Variants in SGMS2 observed in about 807,000 individuals in gnomAD.
The protein encoded by SGMS2 is sphingomyelin synthase 2.
SGMS2 carries 21 observed loss-of-function variants against 43.8 expected under a neutral mutation model. The ratio of observed to expected loss-of-function variants is 0.48; its 90% CI spans 0.34 to 0.69. The LOEUF (loss-of-function observed/expected upper bound fraction) is 0.69. Ranked by LOEUF, SGMS2 falls within the 30% of genes least tolerant of loss-of-function variation. The pLI is 0.01. For missense variants in SGMS2, 384 were observed against 443.2 expected, an observed-to-expected ratio of 0.87 and a Z score of 1.20; for synonymous variants, 167 against 160.6, an observed-to-expected ratio of 1.04 and a Z score of -0.30.
chr4:107,856,599 G>T lies in SGMS2; in HGVS notation c.-326-1873G>T, dbSNP rs531093382. On this transcript the variant is annotated intron_variant, in intron 1 of 6. Transcript: ENST00000690982. ...GTGAGTGGGGATGGTAGGTGGAGTC[G>T]AGAGAGGGTGATAACCGGAGAAGGG... Among the ~76,000 whole-genome samples, 58 of 152,290 alleles carry T rather than the reference G, an allele frequency of 3.8e-4. No homozygotes were observed. The South Asian group carries it at 0.012, about 32-fold the overall frequency.
At chr4:107,901,275 A>C (rs777838961) in intron 4 of SGMS2, among the ~76,000 whole-genome samples, 16 of 152,178 alleles carry the variant, frequency 1.1e-4, no homozygotes, top group Non-Finnish European at 2.1e-4. Flanking sequence ...TCAGTAAAAC[A>C]AACACAAATC....
intron 2 of SGMS2, among the ~76,000 whole-genome samples, chr4:107,875,789 A>G (rs1406093128): frequency 6.6e-6 from 1 of 152,164 alleles, no homozygotes; most frequent in Non-Finnish European, 1.5e-5. Context: ...GGCATAAGAG[A>G]ATGAAAAATA....
At position 107,911,519 on chromosome 4, in the gene SGMS2, G is replaced by A. The variant is rs1732122284; in HGVS notation, c.*966G>A. ...GGGCTCCTAATTGGAGCACAGAAAT[G>A]TATTTGGTCAAATTTCATTGAAGGT... On this transcript the variant is annotated 3_prime_UTR_variant, in exon 7 of 7. Transcript: ENST00000690982. 6.6e-6 allele frequency: 1 copy of A among 152,212 alleles called. No individual in the cohort carries two copies. 9.4% of individuals were successfully genotyped at this position (152,212 alleles called of 1,614,324 possible). A position where few individuals can be genotyped will look rare whatever the true frequency, so the allele number is the denominator to read the frequency against.
At chr4:107,879,992 C>T (rs1379045941) in intron 2 of SGMS2, among the ~76,000 whole-genome samples, 1 of 152,136 alleles carries the variant, frequency 6.6e-6, no homozygotes, top group Non-Finnish European at 1.5e-5. Context: ...GTTTGTTAGG[C>T]CGTATCTTTC....
At chr4:107,900,978 G>A (rs1384719929) in intron 4 of SGMS2, among the ~76,000 whole-genome samples, 1 of 152,208 alleles carries the variant, frequency 6.6e-6, no homozygotes, top group Non-Finnish European at 1.5e-5. Context: ...AGGGGCTATT[G>A]CAATGTGTTA....
At chr4:107,882,142 G>A (rs188793680) in intron 2 of SGMS2, among the ~76,000 whole-genome samples, 1 of 152,262 alleles carries the variant, frequency 6.6e-6, no homozygotes, top group African/African-American at 2.4e-5. Flanking sequence ...GGGATAGCTG[G>A]ATCATATGGT....
chr4:107,850,186 C>A (rs78850227), intron 1 of SGMS2, among the ~76,000 whole-genome samples: 2,315 of 152,242 alleles, frequency 0.015, 61 homozygotes, highest in African/African-American at 0.053. Flanking sequence ...TACCTTCCAC[C>A]ATGATTATAA....
At chr4:107,893,127 A>T (rs576505058) in intron 2 of SGMS2, 4 of 152,294 alleles carry the variant, frequency 2.6e-5, no homozygotes, top group African/African-American at 9.6e-5. Context: ...AGTCATTCTC[A>T]TAGCAGTCCC....
intron 2 of SGMS2, among the ~76,000 whole-genome samples, chr4:107,890,834 T>G (rs1017173468): frequency 6.6e-6 from 1 of 152,056 alleles, no homozygotes; most frequent in Non-Finnish European, 1.5e-5. Context: ...AAAAAACAAC[T>G]CTTTAAATCT....
At position 107,912,460 on chromosome 4, in the gene SGMS2, C is replaced by G. The variant is rs929307863; in HGVS notation, c.*1907C>G. 1 of 152,126 alleles carries G rather than the reference C, an allele frequency of 6.6e-6. No homozygotes were observed. Among genetic ancestry groups the G allele is most frequent in the African/African-American group, 2.4e-5 (1 of 41,436 alleles). 9.4% of individuals were successfully genotyped at this position (152,126 alleles called of 1,614,324 possible). A position where few individuals can be genotyped will look rare whatever the true frequency, so the allele number is the denominator to read the frequency against. ...TATATTCATTTATTAACTAGCAACA[C>G]TTGTGCAAGAACAAGGTATTCTGCT... On this transcript the variant is annotated 3_prime_UTR_variant, in exon 7 of 7. Coordinates refer to ENST00000690982, the MANE Select transcript of SGMS2 (RefSeq NM_001375905.1).
intron 2 of SGMS2, among the ~76,000 whole-genome samples, chr4:107,866,039 A>G (rs1001724136): frequency 6.6e-6 from 1 of 152,210 alleles, no homozygotes; most frequent in Non-Finnish European, 1.5e-5. Context: ...GACCAAGGAG[A>G]TTGCATTAAT....
chr4:107,845,829 C>G (rs79170234), intron 1 of SGMS2, among the ~76,000 whole-genome samples: 5,159 of 152,180 alleles, frequency 0.034, 289 homozygotes, highest in African/African-American at 0.12. Context: ...GCGTGTCCTG[C>G]CATTTGTTAT....
chr4:107,896,325 G>A (rs2126124040), intron 3 of SGMS2, among the ~76,000 whole-genome samples: 1 of 152,224 alleles, frequency 6.6e-6, no homozygotes, highest in African/African-American at 2.4e-5. Flanking sequence ...AAATCAAGAG[G>A]CTTGGAAAGG....
intron 1 of SGMS2, among the ~76,000 whole-genome samples, chr4:107,836,383 G>A (rs531994583): frequency 6.6e-6 from 1 of 152,176 alleles, no homozygotes; most frequent in Non-Finnish European, 1.5e-5. Context: ...CAGCACACTG[G>A]TTCCAGTGTC....
At chr4:107,909,667 T>C (rs902718124) in intron 6 of SGMS2, among the ~76,000 whole-genome samples, 1 of 152,192 alleles carries the variant, frequency 6.6e-6, no homozygotes, top group Non-Finnish European at 1.5e-5. Flanking sequence ...GAATTATTCC[T>C]CCCAGTCTCT....
intron 6 of SGMS2, among the ~76,000 whole-genome samples, chr4:107,909,941 A>G (rs1731970539): frequency 6.6e-6 from 1 of 152,018 alleles, no homozygotes; most frequent in Non-Finnish European, 1.5e-5. Context: ...ACTTCCATCT[A>G]GTTGACTACT....
chr4:107,825,509 A>C (rs1392562981), intron 1 of SGMS2, among the ~76,000 whole-genome samples: 1 of 151,984 alleles, frequency 6.6e-6, no homozygotes, highest in Non-Finnish European at 1.5e-5. Flanking sequence ...GGAAGGGCAC[A>C]GGTTAAACCC....
At chr4:107,899,547 T>G in intron 3 of SGMS2, 28 bp from the exon 4 acceptor site, 1 of 1,545,278 alleles carries the variant, frequency 6.5e-7, no homozygotes, top group Non-Finnish European at 8.9e-7. Context: ...GTAAACTTGT[T>G]TTTCCCCATC....
intron 4 of SGMS2, among the ~76,000 whole-genome samples, chr4:107,901,397 G>A (rs939110640): frequency 6.6e-6 from 1 of 152,166 alleles, no homozygotes; most frequent in Non-Finnish European, 1.5e-5. Flanking sequence ...TGGTTACAAA[G>A]CTATTACAAA....
Sources: allele counts gnomAD v4.1 joint callset (sites outside exome capture counted in the v4.1 genomes callset), GRCh38; gene constraint gnomAD v4.1.1; transcripts MANE v1.5; gene names NCBI Gene and HGNC (gene_info 2026-07-23, HGNC 2026-07-21).